The following RBM4 variants were observed in gnomAD, a reference collection of about 807,000 sequenced individuals.
RBM4 encodes RNA binding motif protein 4.
Under a neutral mutation model 29.5 loss-of-function variants are expected in RBM4, and 7 were observed. The observed-to-expected ratio is 0.24, with a 90% confidence interval of 0.14 to 0.45. RBM4 has a LOEUF of 0.45. Ranked by LOEUF, RBM4 falls within the 20% of genes least tolerant of loss-of-function variation. The pLI is 1.00. For missense variants in RBM4, 387 were observed against 502.3 expected, an observed-to-expected ratio of 0.77 and a Z score of 2.19; for synonymous variants, 220 against 205.4, an observed-to-expected ratio of 1.07 and a Z score of -0.61.
chr11:66,651,941 G>A (rs1037186663), intron 2 of RBM4, among the ~76,000 whole-genome samples: 27 of 152,010 alleles, frequency 1.8e-4, no homozygotes, highest in African/African-American at 6.0e-4. Context: ...TGGGGATTCA[G>A]ATTTTAACAT....
At chr11:66,661,201 G>A (rs1025740022) in intron 2 of RBM4, among the ~76,000 whole-genome samples, 10 of 152,272 alleles carry the variant, frequency 6.6e-5, no homozygotes, top group African/African-American at 1.9e-4. Context: ...TCTCCTCAGC[G>A]GCAGAGCCTA....
exon 3 of RBM4, chr11:66,666,158 G>A (rs534331163): frequency 5.3e-6 from 4 of 758,602 alleles, no homozygotes; most frequent in Non-Finnish European, 5.8e-6. Context: ...TCCCCTAATT[G>A]ACCAAATCTC....
intron 2 of RBM4, chr11:66,665,675 GA>G (rs1269175730): frequency 3.7e-5 from 55 of 1,497,648 alleles, no homozygotes; most frequent in Middle Eastern, 3.4e-4. Flanking sequence ...ATTCCGGGGG[GA>G]AAAAAAAGAA....
chr11:66,644,753 G>A, intron 3 of RBM4: 1 of 917,112 alleles, frequency 1.1e-6, no homozygotes, highest in Non-Finnish European at 1.3e-6. Flanking sequence ...GGTAAGTTGG[G>A]GTAGAGAGAA....
chr11:66,657,219 GT>G (rs1938966847), intron 2 of RBM4, among the ~76,000 whole-genome samples: 1 of 150,728 alleles, frequency 6.6e-6, no homozygotes, highest in Non-Finnish European at 1.5e-5. Flanking sequence ...AGCTGAAGCG[GT>G]CTTCCCATCT....
At chr11:66,665,016 T>A (rs1939172343) in intron 2 of RBM4, 1 of 152,430 alleles carries the variant, frequency 6.6e-6, no homozygotes, top group Non-Finnish European at 1.5e-5. Context: ...TTAGAAACAT[T>A]TATTTGTCAA....
chr11:66,654,992 AT>A (rs898628529), intron 2 of RBM4, among the ~76,000 whole-genome samples: 6 of 144,252 alleles, frequency 4.2e-5, no homozygotes, highest in Non-Finnish European at 6.1e-5. Flanking sequence ...GCCCAGCTAA[AT>A]TTTTTTTTTG....
chr11:66,642,495 C>T (rs1938510653), intron 2 of RBM4, among the ~76,000 whole-genome samples: 1 of 152,130 alleles, frequency 6.6e-6, no homozygotes, highest in African/African-American at 2.4e-5. Context: ...AGAAGTAATA[C>T]TTTTCATTTC....
At chr11:66,658,929 T>G (rs1022636195) in intron 2 of RBM4, among the ~76,000 whole-genome samples, 3 of 98,072 alleles carry the variant, frequency 3.1e-5, no homozygotes, top group Non-Finnish European at 4.6e-5. Flanking sequence ...AGAGCAAGAG[T>G]GTCTCTCAAA....
intron 2 of RBM4, among the ~76,000 whole-genome samples, chr11:66,656,174 TCACCCAGGCTGGAGTGCAGTGG>T (rs1452856909): frequency 6.6e-6 from 1 of 151,984 alleles, no homozygotes; most frequent in Non-Finnish European, 1.5e-5. Context: ...TCTCGCTCTG[TCACCCAGGCTGGAGTGCAGTGG>T]CACAATCTCA....
chr11:66,665,489 A>G, intron 2 of RBM4: 2 of 941,586 alleles, frequency 2.1e-6, no homozygotes, highest in Non-Finnish European at 3.3e-6. Context: ...TGAAACATGA[A>G]GCAATGGAAA....
chr11:66,643,006 A>T lies in RBM4; in HGVS notation c.413-444A>T, dbSNP rs2135062445. On this transcript the variant is annotated intron_variant, in intron 2 of 3. Coordinates refer to ENST00000310092, the MANE Select transcript of RBM4 (RefSeq NM_002896.4). The surrounding 1 kb of genome is among the most constrained non-coding windows in gnomAD (Gnocchi z 6.1). ...TTGGAGTCTTTTATTCGGTTCTTTT[A>T]AATTTTTTGAGGAGGGTGGAGAACT... is the stretch of plus-strand genomic sequence containing the variant. 6.6e-6 allele frequency among the ~76,000 whole-genome samples: 1 copy of T among 152,254 alleles called. No individual in the cohort carries two copies. Among genetic ancestry groups the T allele is most frequent in the East Asian group, 1.9e-4 (1 of 5,186 alleles).
chr11:66,640,028 A>C lies in RBM4; in HGVS notation c.317A>C (p.Glu106Ala). ...TTTGAGGAGTATGGTCCGGTCATCG[A>C]ATGTGACATCGTGAAAGATTATGCC... ...AKFEEYGPVI[E>A]CDIVKDYAFV... The change falls in exon 2 of 4, where the codon GAA (glutamate) becomes GCA (alanine). Residue 106 changes from glutamate (E) to alanine (A), a missense_variant. Glu to Ala is a moderately radical substitution (Grantham distance 107). Around this residue, in one of 2 missense-constraint regions of RBM4, gnomAD observed 106 missense variants for 213.6 expected, o/e 0.50. Coordinates refer to ENST00000310092, the MANE Select transcript of RBM4 (RefSeq NM_002896.4). The C allele has an allele frequency of 6.2e-7, 1 of 1,614,206 alleles. No homozygotes were observed. The highest frequency in any genetic ancestry group is 8.5e-7 in the Non-Finnish European group (1 of 1,180,038).
downstream of RBM4, among the ~76,000 whole-genome samples, chr11:66,650,785 C>T (rs769481391): frequency 5.4e-5 from 8 of 148,324 alleles, no homozygotes; most frequent in Non-Finnish European, 1.0e-4. Context: ...ATGGCATGAA[C>T]CCGGGAGGTG....
chr11:66,645,823 T>C (rs1282958232), intron 3 of RBM4, among the ~76,000 whole-genome samples: 1 of 152,192 alleles, frequency 6.6e-6, no homozygotes, highest in South Asian at 2.1e-4. Flanking sequence ...AAGACCTTAG[T>C]CTGAGGTTGT....
At chr11:66,651,949 C>T (rs1166235978) in intron 2 of RBM4, among the ~76,000 whole-genome samples, 3 of 152,038 alleles carry the variant, frequency 2.0e-5, no homozygotes, top group Non-Finnish European at 1.5e-5. Flanking sequence ...CAGATTTTAA[C>T]ATGAATTTTG....
At chr11:66,645,947 T>C in intron 3 of RBM4, 80 bp from the exon 4 acceptor site, 1 of 1,535,052 alleles carries the variant, frequency 6.5e-7, no homozygotes, top group Non-Finnish European at 8.7e-7. Context: ...GTTATCAGAC[T>C]TTGTAAAGAT....
intron 2 of RBM4, among the ~76,000 whole-genome samples, chr11:66,653,802 T>C (rs2135082234): frequency 6.6e-6 from 1 of 152,044 alleles, no homozygotes; most frequent in African/African-American, 2.4e-5. Flanking sequence ...GGTTTTCTTT[T>C]TTCTCTTTTT....
chr11:66,651,006 T>G (rs1938816812), downstream of RBM4, among the ~76,000 whole-genome samples: 1 of 152,176 alleles, frequency 6.6e-6, no homozygotes, highest in African/African-American at 2.4e-5. Flanking sequence ...TGGGTGACAG[T>G]GGGATCCTGT....
Sources: gnomAD v4.1 joint callset for allele counts (sites outside exome capture counted in the v4.1 genomes callset) on GRCh38, gnomAD v4.1.1 for gene constraint, gnomAD v4.1.1 regional missense constraint, Gnocchi (gnomAD v3.1) non-coding constraint, MANE v1.5 for transcripts, NCBI Gene and HGNC (gene_info 2026-07-23, HGNC 2026-07-21) for gene names.